The following EGF variants were observed in gnomAD, a reference collection of about 807,000 sequenced individuals.
EGF encodes epidermal growth factor.
A neutral mutation model predicts 143.8 loss-of-function variants in EGF; 95 were observed. The observed-to-expected ratio is 0.66, with a 90% confidence interval of 0.56 to 0.78. The LOEUF (loss-of-function observed/expected upper bound fraction) is 0.78, where lower values mean the gene tolerates loss of function less well. Among genes scored for constraint, EGF ranks in the 30% least tolerant of loss-of-function variants. EGF has a pLI of 0.00. For synonymous variants in EGF, 510 were observed against 510.5 expected (o/e 1.00, Z 0.01); for missense variants, 1,320 against 1,470.9 (o/e 0.90, Z 1.68).
chr4:109,960,729 A>G, intron 6 of EGF, 138 bp from the exon 7 acceptor site: 2 of 925,380 alleles, frequency 2.2e-6, no homozygotes, highest in Admixed American at 2.2e-5. Flanking sequence ...TTGCTAGAGT[A>G]TGGAAAACAG....
chr4:109,948,816 A>T (rs1743308350), intron 5 of EGF, among the ~76,000 whole-genome samples: 1 of 152,056 alleles, frequency 6.6e-6, no homozygotes. Flanking sequence ...ATACTTCTCT[A>T]GAGGCTGGTT....
Position 109,961,104 on chromosome 4 carries a change from C to T in EGF, c.1189+115C>T, listed in dbSNP as rs1389338902. ...AATCAGCAGTGTGCATCATAATTACCTTTGAGTTTTATTTTGTTTGGCTTT... is the reference window on the plus strand; with the variant it reads ...AATCAGCAGTGTGCATCATAATTACTTTTGAGTTTTATTTTGTTTGGCTTT... On this transcript the variant is annotated intron_variant, in intron 7 of 23. Coordinates refer to ENST00000265171, the MANE Select transcript of EGF (RefSeq NM_001963.6). 11 of 1,222,676 alleles carry T rather than the reference C, an allele frequency of 9.0e-6. No homozygotes were observed. In the East Asian group the frequency reaches 1.7e-4, roughly 19 times the overall value. 75.7% of individuals were successfully genotyped at this position (1,222,676 alleles called of 1,614,324 possible).
intron 23 of EGF, 31 bp downstream of exon 23, chr4:110,008,261 G>A (rs1216079860): frequency 6.2e-7 from 1 of 1,612,998 alleles, no homozygotes; most frequent in Admixed American, 1.7e-5. Flanking sequence ...CCTGGTGAAT[G>A]GTTATTTTTA....
intron 11 of EGF, among the ~76,000 whole-genome samples, chr4:109,970,593 A>G (rs562199930): frequency 2.8e-4 from 43 of 152,212 alleles, no homozygotes; most frequent in South Asian, 2.7e-3. Flanking sequence ...TTGGGAGGCC[A>G]AGGTGGGCAG....
At chr4:109,943,187 A>C in intron 2 of EGF, 67 bp from the exon 3 acceptor site, 1 of 1,125,858 alleles carries the variant, frequency 8.9e-7, no homozygotes, top group Non-Finnish European at 1.3e-6. Flanking sequence ...TTTATATATA[A>C]CAATTAAAAT....
chr4:109,941,559 A>G (rs11568892), intron 2 of EGF, among the ~76,000 whole-genome samples: 96 of 152,276 alleles, frequency 6.3e-4, no homozygotes, highest in African/African-American at 2.1e-3. Context: ...TGAGGTAGGA[A>G]GGTGGAGACG....
intron 1 of EGF, among the ~76,000 whole-genome samples, chr4:109,937,457 A>C (rs1213300372): frequency 6.6e-6 from 1 of 151,714 alleles, no homozygotes; most frequent in South Asian, 2.1e-4. Context: ...GGGCCTCCTG[A>C]AACCAGCACA....
intron 18 of EGF, among the ~76,000 whole-genome samples, chr4:109,990,398 G>T (rs1374823878): frequency 1.3e-5 from 2 of 152,184 alleles, no homozygotes; most frequent in Non-Finnish European, 2.9e-5. Context: ...AAAGATTTCA[G>T]GGAGGAAGTG....
intron 21 of EGF, among the ~76,000 whole-genome samples, chr4:110,000,446 A>G (rs1038946248): frequency 2.0e-5 from 3 of 151,934 alleles, no homozygotes; most frequent in African/African-American, 4.8e-5. Flanking sequence ...TTAATATTAT[A>G]TGCTCCCCCC....
chr4:109,974,907 C>CA, intron 12 of EGF, 100 bp downstream of exon 12: 1 of 831,126 alleles, frequency 1.2e-6, no homozygotes. Flanking sequence ...AAAATCCATG[C>CA]AATTTGTTCA....
chr4:109,980,722 C>T, intron 14 of EGF, 104 bp from the exon 15 acceptor site: 1 of 1,289,704 alleles, frequency 7.8e-7, no homozygotes, highest in South Asian at 1.2e-5. Context: ...CTGCATTTCT[C>T]TCCCTAAAAG....
chr4:109,939,685 T>C (rs1741580333), intron 1 of EGF, among the ~76,000 whole-genome samples: 1 of 152,178 alleles, frequency 6.6e-6, no homozygotes, highest in Non-Finnish European at 1.5e-5. Flanking sequence ...GCGCCAACCC[T>C]CTTGTAGCTT....
In EGF at chr4:109,980,086, G is replaced by C; in HGVS notation, c.2168G>C (p.Gly723Ala). 1 of 1,613,778 alleles carries C rather than the reference G, an allele frequency of 6.2e-7. No homozygotes were observed. The change falls in exon 14 of 24, where the codon GGC becomes GCC. Residue 723 changes from glycine (G) to alanine (A), a missense_variant. Gly to Ala is a moderately conservative substitution (Grantham distance 60, BLOSUM62 0). This residue lies in a region of EGF where 1,186 missense variants were observed against 1,313.7 expected (regional missense o/e 0.90). Coordinates refer to ENST00000265171, the MANE Select transcript of EGF (RefSeq NM_001963.6). ...RTGKDRVRLQ[G>A]SMLKPSSLVV... ...GGCAAAGATAGAGTACGTCTCCAAGGCAGCATGCTGAAGCCCTCATCACTG... is the reference window on the plus strand; with the variant it reads ...GGCAAAGATAGAGTACGTCTCCAAGCCAGCATGCTGAAGCCCTCATCACTG...
intron 5 of EGF, 96 bp from the exon 6 acceptor site, chr4:109,959,216 G>T (rs1268776653): frequency 6.4e-6 from 10 of 1,574,322 alleles, no homozygotes; most frequent in Non-Finnish European, 7.8e-6. Context: ...TGTAGACGTT[G>T]TAGGGAGGTA....
intron 20 of EGF, among the ~76,000 whole-genome samples, chr4:109,997,593 C>G (rs1174251261): frequency 6.6e-6 from 1 of 152,116 alleles, no homozygotes; most frequent in African/African-American, 2.4e-5. Context: ...TCCAGACTAG[C>G]TGGGACTACA....
chr4:109,965,270 T>C (rs1469662060), intron 10 of EGF, among the ~76,000 whole-genome samples: 1 of 152,170 alleles, frequency 6.6e-6, no homozygotes, highest in Admixed American at 6.5e-5. Flanking sequence ...TACTATGTGG[T>C]ACATTAATTC....
intron 1 of EGF, among the ~76,000 whole-genome samples, chr4:109,918,519 C>A (rs1411237372): frequency 6.6e-6 from 1 of 152,076 alleles, no homozygotes; most frequent in African/African-American, 2.4e-5. Flanking sequence ...TGTCTCTCTC[C>A]TCTGTCTTGG....
intron 21 of EGF, among the ~76,000 whole-genome samples, chr4:110,002,635 G>C (rs11098059): frequency 0.088 from 13,310 of 151,752 alleles, 1,460 homozygotes; most frequent in East Asian, 0.41. Flanking sequence ...TCATCACAAA[G>C]TATAACTTTG....
Position 109,943,269 on chromosome 4 carries a change from G to T in EGF, c.343G>T (p.Glu115Ter). 1 of 1,605,426 alleles carries T rather than the reference G, an allele frequency of 6.2e-7. No homozygotes were observed. Among genetic ancestry groups the T allele is most frequent in the South Asian group, 1.1e-5 (1 of 89,206 alleles). Residue 115 changes from glutamate to a stop codon, truncating the protein, a stop_gained, in exon 3 of 24, where the codon GAG becomes TAG. Coordinates refer to ENST00000265171, the MANE Select transcript of EGF (RefSeq NM_001963.6). LOFTEE classifies it high-confidence loss of function. ...GATTTTGCAGAGAGTATGTAATATAGAGAAAAATGTTTCTGGAATGGCAAT... is the reference window on the plus strand; with the variant it reads ...GATTTTGCAGAGAGTATGTAATATATAGAAAAATGTTTCTGGAATGGCAAT... ...GSRQERVCNI[E>*]KNVSGMAINW...
Sources: allele counts gnomAD v4.1 joint callset (sites outside exome capture counted in the v4.1 genomes callset), GRCh38; gene constraint gnomAD v4.1.1; regional missense constraint gnomAD v4.1.1; transcripts MANE v1.5; gene names NCBI Gene and HGNC (gene_info 2026-07-23, HGNC 2026-07-21).